Variants in LRP6 observed in about 807,000 individuals in gnomAD.
LRP6 encodes the protein low-density lipoprotein receptor-related protein 6.
A neutral mutation model predicts 184.1 loss-of-function variants in LRP6; 43 were observed. The observed-to-expected ratio is 0.23, with a 90% CI of 0.18 to 0.30. The LOEUF (loss-of-function observed/expected upper bound fraction) is 0.30. LRP6 is among the 10% of genes least tolerant of loss of function. LRP6 has a pLI of 1.00. For missense variants in LRP6, 1,571 were observed against 2,005.3 expected (o/e 0.78, Z 4.14); for synonymous variants, 719 against 684.9 (o/e 1.05, Z -0.78).
chr12:12,258,903 G>A (rs1321235330), intron 1 of LRP6, among the ~76,000 whole-genome samples: 1 of 152,130 alleles, frequency 6.6e-6, no homozygotes, highest in Admixed American at 6.5e-5. Context: ...ATAGCCTCCT[G>A]GTTAAACATA....
At chr12:12,218,683 G>A (rs563437095) in intron 2 of LRP6, among the ~76,000 whole-genome samples, 5 of 151,910 alleles carry the variant, frequency 3.3e-5, no homozygotes, top group African/African-American at 1.2e-4. Context: ...AGGAGAGAGG[G>A]CCAGGCACAG....
chr12:12,216,893 C>T (rs948836794), intron 2 of LRP6, among the ~76,000 whole-genome samples: 2 of 151,132 alleles, frequency 1.3e-5, no homozygotes, highest in African/African-American at 4.9e-5. Context: ...TTACTTTCAG[C>T]ATGAATCCCA....
intron 1 of LRP6, among the ~76,000 whole-genome samples, chr12:12,261,069 T>C (rs1284745792): frequency 6.6e-6 from 1 of 152,110 alleles, no homozygotes; most frequent in Admixed American, 6.6e-5. Context: ...AAGGACACAG[T>C]AGTTCAGTAC....
At chr12:12,224,018 C>T (rs2417087) in intron 2 of LRP6, among the ~76,000 whole-genome samples, 152,008 of 152,332 alleles carry the variant, frequency 1, 75,842 homozygotes, top group East Asian at 1. Flanking sequence ...TGTGCAGTGC[C>T]TTTTGCCTTT....
rs1256855918 is a variant in LRP6 at position 12,266,893 on chromosome 12, G to GCGC, written c.-161_-159dup. ...AAAGGGGCACGTCAAGGTTCCGCGC[G>GCGC]CGCCGCCGCCGCCCTCTCTACCGCG... On this transcript the variant is annotated 5_prime_UTR_variant, in exon 1 of 23. Coordinates refer to ENST00000261349, the MANE Select transcript of LRP6 (RefSeq NM_002336.3). 27 of 698,320 alleles carry GCGC rather than the reference G, an allele frequency of 3.9e-5. No homozygotes were observed. Among genetic ancestry groups the GCGC allele is most frequent in the South Asian group, 4.9e-5 (3 of 60,632 alleles). 43.3% of individuals were successfully genotyped at this position (698,320 alleles called of 1,614,324 possible).
intron 2 of LRP6, among the ~76,000 whole-genome samples, chr12:12,206,629 C>A (rs1864065154): frequency 6.6e-6 from 1 of 151,738 alleles, no homozygotes; most frequent in Admixed American, 6.6e-5. Flanking sequence ...AAGGTGATGG[C>A]CAGGTACGGT....
chr12:12,149,663 C>A (rs1950055792), intron 13 of LRP6, among the ~76,000 whole-genome samples: 1 of 152,178 alleles, frequency 6.6e-6, no homozygotes, highest in African/African-American at 2.4e-5. Context: ...AGCAGCCCCC[C>A]ACAACAAACA....
Position 12,159,164 on chromosome 12 carries a change from A to G in LRP6, c.2465-9T>C, listed in dbSNP as rs1862675339. 2 of 1,611,292 alleles carry G rather than the reference A, an allele frequency of 1.2e-6. No homozygotes were observed. Among genetic ancestry groups the G allele is most frequent in the Non-Finnish European group, 8.5e-7 (1 of 1,177,406 alleles). ...AACTTCACGGTTGAGCCCTATTTTCAGAAAGGCAGTAGACAGGGGAGAAGC... is the reference window on the plus strand; with the variant it reads ...AACTTCACGGTTGAGCCCTATTTTCGGAAAGGCAGTAGACAGGGGAGAAGC... On this transcript the variant is annotated splice_polypyrimidine_tract_variant and intron_variant, in intron 11 of 22. Coordinates refer to ENST00000261349, the MANE Select transcript of LRP6 (RefSeq NM_002336.3).
chr12:12,143,221 A>G (rs1278562365), intron 15 of LRP6, among the ~76,000 whole-genome samples: 1 of 152,234 alleles, frequency 6.6e-6, no homozygotes, highest in African/African-American at 2.4e-5. Context: ...AAAGATAGGC[A>G]AGACCTCTAT....
chr12:12,119,532 C>G lies in LRP6; in HGVS notation c.*1594G>C, dbSNP rs12314259. 19,770 of 152,122 alleles carry G rather than the reference C, an allele frequency of 0.13. 1,476 individuals carry two copies. Among genetic ancestry groups the G allele is most frequent in the Middle Eastern group, 0.22 (66 of 296 alleles). The allele number at this position is 152,122 out of a possible 1,614,324, so 9.4% of individuals were successfully genotyped here. ...ATTCCACAGGTCAGCCCTGATAGCT[C>G]AAGATGTAGCAGCCCCAGTACCATA... On this transcript the variant is annotated 3_prime_UTR_variant, in exon 23 of 23. Transcript: ENST00000261349.
At chr12:12,168,323 T>C (rs971521265) in intron 7 of LRP6, among the ~76,000 whole-genome samples, 7 of 152,058 alleles carry the variant, frequency 4.6e-5, no homozygotes, top group Admixed American at 2.6e-4. Flanking sequence ...CAGGAAATAA[T>C]AGCAGTTGAA....
rs550587604 is a variant in LRP6, at chr12:12,119,990, A to AATATATATATATAT, written c.*1122_*1135dup. 4 of 45,510 alleles carry AATATATATATATAT rather than the reference A, an allele frequency of 8.8e-5. No individual in the cohort carries two copies. Among genetic ancestry groups the AATATATATATATAT allele is most frequent in the Admixed American group, 3.1e-4 (1 of 3,278 alleles). 2.8% of individuals were successfully genotyped at this position (45,510 alleles called of 1,614,324 possible). On this transcript the variant is annotated 3_prime_UTR_variant, in exon 23 of 23. Transcript: ENST00000261349. Reference sequence around the variant, plus strand: ...ACTCAGAAAACAAACAAACAAACAAAATATATATATATATATATATATATA... The same window carrying AATATATATATATAT: ...ACTCAGAAAACAAACAAACAAACAAAATATATATATATATATATATATATATATATATATATATA...
chr12:12,190,539 C>G (rs966780355), intron 3 of LRP6, among the ~76,000 whole-genome samples: 7 of 152,224 alleles, frequency 4.6e-5, no homozygotes, highest in African/African-American at 1.7e-4. Context: ...ACCTCCCAGG[C>G]ACCTCTTGCT....
chr12:12,266,367 CAG>C (rs1334763632), intron 1 of LRP6, among the ~76,000 whole-genome samples: 2 of 152,158 alleles, frequency 1.3e-5, no homozygotes, highest in Non-Finnish European at 2.9e-5. Flanking sequence ...AGACCCCAGG[CAG>C]AGAGAGGCAC....
At chr12:12,194,421 T>C (rs963125071) in intron 3 of LRP6, among the ~76,000 whole-genome samples, 1 of 152,094 alleles carries the variant, frequency 6.6e-6, no homozygotes, top group African/African-American at 2.4e-5. Flanking sequence ...AGGCCCTGCA[T>C]GAACCCTGTC....
At chr12:12,188,894 G>A (rs751805674) in intron 3 of LRP6, among the ~76,000 whole-genome samples, 1 of 152,020 alleles carries the variant, frequency 6.6e-6, no homozygotes, top group Non-Finnish European at 1.5e-5. Context: ...AATTCATGGT[G>A]GAAACAGAGA....
In LRP6 at chr12:12,148,986, G is replaced by A; in HGVS notation, c.3162C>T (p.Gly1054=). 2 of 1,613,782 alleles carry A rather than the reference G, an allele frequency of 1.2e-6. No homozygotes were observed. Among genetic ancestry groups the A allele is most frequent in the Non-Finnish European group, 1.7e-6 (2 of 1,179,936 alleles). ...DGRSVGVVLK[G]EQDRPRAVVV... ...CAACGGCTCGAGGTCTGTCCTGCTCGCCTTTCAGCACCACTCCAACTGATC... is the reference window on the plus strand; with the variant it reads ...CAACGGCTCGAGGTCTGTCCTGCTCACCTTTCAGCACCACTCCAACTGATC... The change falls in exon 14 of 23, where the codon GGC becomes GGT. Residue 1054 remains glycine (G), a synonymous_variant. Transcript: ENST00000261349.
intron 2 of LRP6, among the ~76,000 whole-genome samples, chr12:12,237,028 G>C (rs962824633): frequency 2.0e-5 from 3 of 152,084 alleles, no homozygotes; most frequent in Non-Finnish European, 4.4e-5. Context: ...TTCTAATCAT[G>C]GCTTGGTCTT....
intron 1 of LRP6, among the ~76,000 whole-genome samples, chr12:12,256,394 T>C (rs900956922): frequency 6.7e-6 from 1 of 149,284 alleles, no homozygotes; most frequent in African/African-American, 2.5e-5. Flanking sequence ...CCCATCTCTA[T>C]AAAAAATACA....
Sources: gnomAD v4.1 joint callset for allele counts (sites outside exome capture counted in the v4.1 genomes callset) on GRCh38, gnomAD v4.1.1 for gene constraint, MANE v1.5 for transcripts, NCBI Gene and HGNC (gene_info 2026-07-23, HGNC 2026-07-21) for gene names.